The following BASP1 variants were observed in gnomAD, a reference collection of about 807,000 sequenced individuals.
BASP1 encodes brain abundant membrane attached signal protein 1, also known as brain acid soluble protein 1.
A neutral mutation model predicts 2.2 loss-of-function variants in BASP1; 1 was observed. That is an observed-to-expected ratio of 0.46 (90% confidence interval 0.16 to 2.17). The LOEUF (loss-of-function observed/expected upper bound fraction) is 2.17. BASP1 is among the 30% of genes most tolerant of loss of function. The pLI is 0.27. For missense variants in BASP1, 352 were observed against 327.2 expected (o/e 1.08, Z -0.58); for synonymous variants, 187 against 154.2 (o/e 1.21, Z -1.58).
intron 1 of BASP1, among the ~76,000 whole-genome samples, chr5:17,272,639 C>T (rs536545472): frequency 2.0e-5 from 3 of 152,218 alleles, no homozygotes; most frequent in African/African-American, 4.8e-5. Flanking sequence ...GTCCTATGAG[C>T]GTCCCTCTGA....
chr5:17,253,029 A>G (rs1740132173), intron 1 of BASP1, among the ~76,000 whole-genome samples: 1 of 152,174 alleles, frequency 6.6e-6, no homozygotes, highest in Non-Finnish European at 1.5e-5. Context: ...GTAGCCCAGT[A>G]TACTCACCTC....
chr5:17,262,967 C>T (rs941080168), intron 1 of BASP1, among the ~76,000 whole-genome samples: 15 of 152,236 alleles, frequency 9.9e-5, no homozygotes, highest in African/African-American at 1.9e-4. Flanking sequence ...CTGCCTCAGC[C>T]TCCCGAGTAA....
chr5:17,242,947 T>A (rs2962355), intron 1 of BASP1, among the ~76,000 whole-genome samples: 45,693 of 151,618 alleles, frequency 0.3, 7,045 homozygotes, highest in East Asian at 0.42. Context: ...TAAGTGAACA[T>A]GTGCTTGTAA....
At chr5:17,223,024 C>CT (rs60501183) in intron 1 of BASP1, among the ~76,000 whole-genome samples, 47,737 of 147,912 alleles carry the variant, frequency 0.32, 8,330 homozygotes, top group Non-Finnish European at 0.41. Flanking sequence ...TTTATAAACT[C>CT]TTTTTTTTTT....
At chr5:17,223,022 C>T (rs976395769) in intron 1 of BASP1, among the ~76,000 whole-genome samples, 2 of 132,898 alleles carry the variant, frequency 1.5e-5, no homozygotes, top group Admixed American at 1.4e-4. Flanking sequence ...ATTTTATAAA[C>T]TCTTTTTTTT....
At position 17,250,627 on chromosome 5, in the gene BASP1, C is replaced by T. The variant is rs192892625; in HGVS notation, c.-9-24581C>T. ...TTATTTTTATTTTAGTTTTTTGAGA[C>T]GGAGTCTCGCTTTGTCGCCCAGGCT... On this transcript the variant is annotated intron_variant, in intron 1 of 1. Coordinates refer to ENST00000322611, the MANE Select transcript of BASP1 (RefSeq NM_006317.5). Among the ~76,000 whole-genome samples the T allele has an allele frequency of 7.3e-4, 111 of 152,138 alleles. No homozygotes were observed. In the South Asian group the frequency reaches 0.013, roughly 18 times the overall value.
intron 1 of BASP1, among the ~76,000 whole-genome samples, chr5:17,223,648 G>GA (rs1337225512): frequency 2.6e-5 from 4 of 151,866 alleles, no homozygotes; most frequent in Admixed American, 1.3e-4. Flanking sequence ...TTAATTGAAG[G>GA]AAAAAAATGA....
intron 1 of BASP1, among the ~76,000 whole-genome samples, chr5:17,218,171 G>A (rs2126482704): frequency 6.6e-6 from 1 of 151,858 alleles, no homozygotes; most frequent in Non-Finnish European, 1.5e-5. Flanking sequence ...TTGAGTCCCG[G>A]GGAGACGGTT....
At chr5:17,219,192 T>G (rs1215216624) in intron 1 of BASP1, among the ~76,000 whole-genome samples, 1 of 151,166 alleles carries the variant, frequency 6.6e-6, no homozygotes, top group Non-Finnish European at 1.5e-5. Context: ...TAATTACCTA[T>G]TCCTTTGTCT....
At chr5:17,257,897 C>CGGTG (rs1330809664) in intron 1 of BASP1, among the ~76,000 whole-genome samples, 1 of 152,180 alleles carries the variant, frequency 6.6e-6, no homozygotes, top group African/African-American at 2.4e-5. Flanking sequence ...CAAACAGCAC[C>CGGTG]GTTCCTGTGT....
chr5:17,231,736 A>G (rs1427587984), intron 1 of BASP1, among the ~76,000 whole-genome samples: 3 of 152,226 alleles, frequency 2.0e-5, no homozygotes, highest in Admixed American at 6.5e-5. Flanking sequence ...TGCATTTGCC[A>G]GAATTGATGA....
intron 1 of BASP1, among the ~76,000 whole-genome samples, chr5:17,271,082 G>A (rs374520399): frequency 1.2e-4 from 18 of 152,104 alleles, no homozygotes; most frequent in South Asian, 4.2e-4. Flanking sequence ...TGTCATTTTC[G>A]CCCTTGTGGC....
chr5:17,225,002 C>T lies in BASP1; in HGVS notation c.-10+7192C>T, dbSNP rs140527488. On this transcript the variant is annotated intron_variant, in intron 1 of 1. Coordinates refer to ENST00000322611, the MANE Select transcript of BASP1 (RefSeq NM_006317.5). ...TCGAAACCTCAGTCCTTTGTAAGTACTTTCCTTGGAGCAGAAGGTTTAAAA... is the reference window on the plus strand; with the variant it reads ...TCGAAACCTCAGTCCTTTGTAAGTATTTTCCTTGGAGCAGAAGGTTTAAAA... Among the ~76,000 whole-genome samples, 316 of 152,322 alleles carry T rather than the reference C, an allele frequency of 2.1e-3. 1 individual carries two copies. The highest frequency in any genetic ancestry group is 7.1e-3 in the African/African-American group (297 of 41,570).
chr5:17,275,088 C>A lies in BASP1; in HGVS notation c.-9-120C>A. ...TGCCTAACTATAGTTTACCATGCCA[C>A]CCCTTTGGGGTGTGCAGTGCAGCAG... is the stretch of plus-strand genomic sequence containing the variant. On this transcript the variant is annotated intron_variant, in intron 1 of 1. Coordinates refer to ENST00000322611, the MANE Select transcript of BASP1 (RefSeq NM_006317.5). This position sits in a 1 kb window ranked among gnomAD's most constrained non-coding sequence, Gnocchi z 5.3. The A allele has an allele frequency of 1.2e-6, 1 of 807,518 alleles. No individual in the cohort carries two copies. The highest frequency in any genetic ancestry group is 2.0e-6 in the Non-Finnish European group (1 of 505,280). 50.0% of individuals were successfully genotyped at this position (807,518 alleles called of 1,614,324 possible). A position where few individuals can be genotyped will look rare whatever the true frequency, so the allele number is the denominator to read the frequency against.
At chr5:17,254,143 T>C (rs1347480383) in intron 1 of BASP1, among the ~76,000 whole-genome samples, 2 of 152,180 alleles carry the variant, frequency 1.3e-5, no homozygotes, top group African/African-American at 4.8e-5. Context: ...CTTTAGCATC[T>C]TGAAGGTAAA....
intron 1 of BASP1, among the ~76,000 whole-genome samples, chr5:17,259,715 T>C (rs541422204): frequency 6.6e-6 from 1 of 152,286 alleles, no homozygotes; most frequent in African/African-American, 2.4e-5. Context: ...CTACTGGAAA[T>C]AAATTGCAGT....
intron 1 of BASP1, among the ~76,000 whole-genome samples, chr5:17,263,584 G>A (rs534516172): frequency 7.2e-5 from 11 of 152,366 alleles, no homozygotes; most frequent in Admixed American, 3.9e-4. Flanking sequence ...TGGGCTTCAT[G>A]AAGAATAATG....
intron 1 of BASP1, among the ~76,000 whole-genome samples, chr5:17,226,370 G>A (rs377225360): frequency 3.3e-5 from 5 of 152,220 alleles, no homozygotes; most frequent in African/African-American, 1.2e-4. Flanking sequence ...GCATGGCAAA[G>A]TGACTTTGAA....
At chr5:17,265,010 A>G (rs1223419781) in intron 1 of BASP1, among the ~76,000 whole-genome samples, 11 of 152,226 alleles carry the variant, frequency 7.2e-5, no homozygotes, top group Non-Finnish European at 7.3e-5. Context: ...GAGAAATTTG[A>G]TATCATTTTC....
Sources: gnomAD v4.1 joint callset for allele counts (sites outside exome capture counted in the v4.1 genomes callset) on GRCh38, gnomAD v4.1.1 for gene constraint, Gnocchi (gnomAD v3.1) non-coding constraint, MANE v1.5 for transcripts, NCBI Gene and HGNC (gene_info 2026-07-23, HGNC 2026-07-21) for gene names.